ANK3: variants seen among roughly 807,000 people sequenced by gnomAD.
ANK3 encodes the protein ankyrin 3, also known as ankyrin-3.
In ANK3, 57 loss-of-function variants were observed where a neutral mutation model predicts 370.9. The observed-to-expected ratio is 0.15, with a 90% CI of 0.12 to 0.19. The LOEUF (loss-of-function observed/expected upper bound fraction) is 0.19. Ranked by LOEUF, ANK3 falls within the 10% of genes least tolerant of loss-of-function variation. The pLI is 1.00. For missense variants in ANK3, 4,439 were observed against 5,302.1 expected, an observed-to-expected ratio of 0.84 and a Z score of 5.06; for synonymous variants, 1,929 against 1,946.3, an observed-to-expected ratio of 0.99 and a Z score of 0.23.
At position 60,055,961 on chromosome 10, in the gene ANK3, A is replaced by G. The variant is rs773811291; in HGVS notation, c.12762T>C (p.His4254=). The change falls in exon 42 of 44, where the codon CAT becomes CAC. Residue 4254 remains histidine, a synonymous_variant. Coordinates refer to ENST00000280772, the MANE Select transcript of ANK3 (RefSeq NM_020987.5). ...EAGKFEANGS[H]TEITPEAKTK... ...TCTTTGCTTCTGGAGTGATTTCTGT[A>G]TGGCTTCCATTTGCTTCAAATTTGC... is the stretch of plus-strand genomic sequence containing the variant. The G allele has an allele frequency of 5.0e-6, 8 of 1,613,906 alleles. No individual in the cohort carries two copies. In the African/African-American group the frequency reaches 5.3e-5, roughly 11 times the overall value.
At chr10:60,294,370 G>A (rs545920060) in intron 1 of ANK3, among the ~76,000 whole-genome samples, 1 of 152,138 alleles carries the variant, frequency 6.6e-6, no homozygotes, top group Non-Finnish European at 1.5e-5. Context: ...TGAGGCCATG[G>A]CACCAGAGGG....
At chr10:60,342,850 C>T (rs2054573557) in intron 1 of ANK3, among the ~76,000 whole-genome samples, 1 of 152,170 alleles carries the variant, frequency 6.6e-6, no homozygotes, top group African/African-American at 2.4e-5. Flanking sequence ...TGACCCAGTA[C>T]ATTTGAGAAA....
At chr10:60,311,341 C>T (rs1169769702) in intron 1 of ANK3, among the ~76,000 whole-genome samples, 1 of 152,198 alleles carries the variant, frequency 6.6e-6, no homozygotes, top group Non-Finnish European at 1.5e-5. Context: ...GTAGCCCAAA[C>T]CTTCTGAATA....
In ANK3 at chr10:60,146,893, A is replaced by G. The variant is rs186590525; in HGVS notation, c.2615-7806T>C. On this transcript the variant is annotated intron_variant, in intron 23 of 43. Transcript: ENST00000280772. ...ATCTCCTGATATTTTCATTCTCAAA[A>G]GAACAAGGAAGCAGGAGTAAGAAAA... Among the ~76,000 whole-genome samples, 173 of 152,344 alleles carry G rather than the reference A, an allele frequency of 1.1e-3. 2 individuals are homozygous for G. The highest frequency in any genetic ancestry group is 3.8e-3 in the African/African-American group (158 of 41,592).
At chr10:60,399,945 A>G (rs2063321439) in intron 2 of ANK3, among the ~76,000 whole-genome samples, 1 of 152,064 alleles carries the variant, frequency 6.6e-6, no homozygotes, top group Admixed American at 6.6e-5. Context: ...GCCCTTTTCT[A>G]GATGAAAATT....
chr10:60,474,429 G>A (rs1338149733), intron 2 of ANK3, among the ~76,000 whole-genome samples: 2 of 152,164 alleles, frequency 1.3e-5, no homozygotes, highest in Non-Finnish European at 2.9e-5. Context: ...CAAGAAGAGG[G>A]AAAGGATGAA....
Position 60,597,065 on chromosome 10 carries a change from T to C in ANK3, c.96+18121A>G, listed in dbSNP as rs150710655. Among the ~76,000 whole-genome samples, 903 of 152,298 alleles carry C rather than the reference T, an allele frequency of 5.9e-3. 7 individuals are homozygous for C. The highest frequency in any genetic ancestry group is 0.021 in the African/African-American group (865 of 41,556). On this transcript the variant is annotated intron_variant, in intron 2 of 43. Transcript: ENST00000373827. ...AAATGCAGTTATTTTAATGTATTCC[T>C]TAAAAATTCTTAGCATTCCCCTCCA...
chr10:60,219,009 A>G (rs2096994143), intron 8 of ANK3, among the ~76,000 whole-genome samples: 1 of 151,468 alleles, frequency 6.6e-6, no homozygotes, highest in Non-Finnish European at 1.5e-5. Flanking sequence ...TCTTGTCTGC[A>G]TGCCTTATTT....
chr10:60,534,903 C>T (rs2076688655), intron 2 of ANK3, among the ~76,000 whole-genome samples: 1 of 152,062 alleles, frequency 6.6e-6, no homozygotes, highest in South Asian at 2.1e-4. Flanking sequence ...CAGCAAGAAA[C>T]AAACTCAAAA....
chr10:60,268,373 C>T (rs888743135), intron 5 of ANK3, among the ~76,000 whole-genome samples: 2 of 152,174 alleles, frequency 1.3e-5, no homozygotes, highest in African/African-American at 4.8e-5. Flanking sequence ...CCACTGGTAA[C>T]AATCTACTAT....
upstream of ANK3, among the ~76,000 whole-genome samples, chr10:60,390,254 G>A (rs968218950): frequency 6.6e-6 from 1 of 152,144 alleles, no homozygotes; most frequent in African/African-American, 2.4e-5. Context: ...CATTTTGTGG[G>A]GAGGACTACA....
intron 2 of ANK3, among the ~76,000 whole-genome samples, chr10:60,523,612 G>A (rs1192664239): frequency 1.3e-5 from 2 of 151,820 alleles, no homozygotes; most frequent in Non-Finnish European, 2.9e-5. Context: ...TGGTGTATAT[G>A]TGCCACATTT....
chr10:60,622,328 T>C (rs1043143033), intron 1 of ANK3, among the ~76,000 whole-genome samples: 1 of 151,930 alleles, frequency 6.6e-6, no homozygotes, highest in Non-Finnish European at 1.5e-5. Context: ...CACTGCAATC[T>C]CTGCCTCCCA....
At chr10:60,099,139 C>G (rs1241729071) in intron 28 of ANK3, among the ~76,000 whole-genome samples, 2 of 152,120 alleles carry the variant, frequency 1.3e-5, no homozygotes, top group Non-Finnish European at 2.9e-5. Context: ...TGCCCCAGAG[C>G]CTTCCCCAGG....
chr10:60,645,567 A>C (rs1048981842), intron 1 of ANK3, among the ~76,000 whole-genome samples: 2 of 152,008 alleles, frequency 1.3e-5, no homozygotes, highest in African/African-American at 4.8e-5. Context: ...CTCTAATAAA[A>C]TACAAAAATT....
At chr10:60,068,294 C>T (rs982186650) in intron 37 of ANK3, among the ~76,000 whole-genome samples, 1 of 152,076 alleles carries the variant, frequency 6.6e-6, no homozygotes, top group Non-Finnish European at 1.5e-5. Context: ...GTGAAAACAC[C>T]ATGATGGGAT....
intron 2 of ANK3, among the ~76,000 whole-genome samples, chr10:60,397,472 A>G (rs2063266055): frequency 1.3e-5 from 2 of 152,210 alleles, no homozygotes; most frequent in Admixed American, 1.3e-4. Flanking sequence ...AGTGTGTTTC[A>G]ATAAGCAATG....
At position 60,181,421 on chromosome 10, in the gene ANK3, G is replaced by A. The variant is rs1348250325; in HGVS notation, c.2092C>T (p.Leu698=). Residue 698 remains leucine, a synonymous_variant, in exon 18 of 44, where the codon CTG becomes TTG. Coordinates refer to ENST00000280772, the MANE Select transcript of ANK3 (RefSeq NM_020987.5). ...TGAGCAGCCAAATGGAGTGGGGTCA[G>A]GCCGCTCTGCAAAAGATTCAAAGGG... ...ANVNLSNKSG[L]TPLHLAAQED... 2 of 1,614,016 alleles carry A rather than the reference G, an allele frequency of 1.2e-6. No individual in the cohort carries two copies. The highest frequency in any genetic ancestry group is 1.7e-6 in the Non-Finnish European group (2 of 1,179,998).
intron 2 of ANK3, among the ~76,000 whole-genome samples, chr10:60,596,744 T>C (rs2077993135): frequency 1.3e-5 from 2 of 152,202 alleles, no homozygotes; most frequent in Admixed American, 1.3e-4. Flanking sequence ...GGGAATCCAC[T>C]GAATATAGAA....
Sources: allele counts gnomAD v4.1 joint callset (sites outside exome capture counted in the v4.1 genomes callset), GRCh38; gene constraint gnomAD v4.1.1; transcripts MANE v1.5; gene names NCBI Gene and HGNC (gene_info 2026-07-23, HGNC 2026-07-21).